Variants in CGN observed in about 807,000 individuals in gnomAD.
The protein encoded by CGN is cingulin.
In CGN, 121 loss-of-function variants were observed where a neutral mutation model predicts 157.1. The ratio of observed to expected loss-of-function variants is 0.77; its 90% CI spans 0.66 to 0.90. CGN has a LOEUF of 0.90. CGN is among the 40% of genes least tolerant of loss of function. The pLI, the probability that CGN is intolerant of heterozygous loss-of-function variation, is 0.00. For missense variants in CGN, 1,424 were observed against 1,520.9 expected, an observed-to-expected ratio of 0.94 and a Z score of 1.06; for synonymous variants, 535 against 607.5, an observed-to-expected ratio of 0.88 and a Z score of 1.76.
At position 151,524,325 on chromosome 1, in the gene CGN, G is replaced by A; in HGVS notation, c.1368G>A (p.Gln456=). ...TGCAGAACAAGCTGAAACATGTCCA[G>A]GGTCCTGAGCCTGCTAAGGAGGTGT... ...MELQNKLKHV[Q]GPEPAKEVLL... is the part of the protein sequence containing the mutation. Residue 456 remains glutamine, a synonymous_variant, in exon 7 of 21, where the codon CAG becomes CAA. Transcript: ENST00000271636. This position sits in a 1 kb window ranked among gnomAD's most constrained non-coding sequence, Gnocchi z 4.4. 1 of 1,614,118 alleles carries A rather than the reference G, an allele frequency of 6.2e-7. No individual in the cohort carries two copies.
intron 15 of CGN, chr1:151,534,839 C>T (rs1352734851): frequency 1.3e-5 from 7 of 554,594 alleles, no homozygotes; most frequent in African/African-American, 3.8e-5. Flanking sequence ...CAGAGCATGG[C>T]CCCGACCTGC....
At chr1:151,522,524 C>T (rs1664564829) in intron 5 of CGN, among the ~76,000 whole-genome samples, 5 of 151,834 alleles carry the variant, frequency 3.3e-5, no homozygotes, top group Admixed American at 1.3e-4. Flanking sequence ...GCTTGGGAGG[C>T]TGAGGCAGGG....
At chr1:151,532,714 G>A (rs1341348913) in intron 14 of CGN, 142 bp downstream of exon 14, 1 of 579,854 alleles carries the variant, frequency 1.7e-6, no homozygotes, top group Non-Finnish European at 2.6e-6. Flanking sequence ...CTGCCTCCGG[G>A]GTTCACACCA....
At position 151,524,878 on chromosome 1, in the gene CGN, G is replaced by A; in HGVS notation, c.1606G>A (p.Ala536Thr). 1 of 1,610,832 alleles carries A rather than the reference G, an allele frequency of 6.2e-7. No individual in the cohort carries two copies. The highest frequency in any genetic ancestry group is 8.5e-7 in the Non-Finnish European group (1 of 1,179,354). ...GCAGCTCCGCAGGAGCATGCAAGAT[G>A]CAACCCAGGCATGTGACAAGAGCAG... is the stretch of plus-strand genomic sequence containing the variant. Reference protein sequence around the residue: ...TEQLRRSMQDATQDHAVLEAE... With the variant: ...TEQLRRSMQDTTQDHAVLEAE... The change falls in exon 8 of 21, where the codon GCA becomes ACA. Residue 536 changes from alanine (A) to threonine (T), a missense_variant. Around this residue, in one of 3 missense-constraint regions of CGN, gnomAD observed 1,187 missense variants for 1,217.6 expected, o/e 0.97. Transcript: ENST00000271636. The surrounding 1 kb of genome is among the most constrained non-coding windows in gnomAD (Gnocchi z 4.4).
rs1173696191 is a variant in CGN, at chr1:151,538,257, A to C, written c.*911A>C. On this transcript the variant is annotated 3_prime_UTR_variant, in exon 21 of 21. Coordinates refer to ENST00000271636, the MANE Select transcript of CGN (RefSeq NM_020770.3). Reference sequence around the variant, plus strand: ...TGGGAGCCCTGACAACTGGCTGCACAAATTCCAAAAGTAAAGGTGTCAGTC... The same window carrying C: ...TGGGAGCCCTGACAACTGGCTGCACCAATTCCAAAAGTAAAGGTGTCAGTC... 6.6e-6 allele frequency: 1 copy of C among 152,236 alleles called. No individual in the cohort carries two copies. Among genetic ancestry groups the C allele is most frequent in the Non-Finnish European group, 1.5e-5 (1 of 68,070 alleles). The allele number at this position is 152,236 out of a possible 1,614,324, so 9.4% of individuals were successfully genotyped here.
rs1307601565 is a variant in CGN at position 151,527,072 on chromosome 1, G to A, written c.1861G>A (p.Ala621Thr). ...GGAATTAGAGCAGGCCCGAGCTAGT[G>A]CTGGAGATACTCGCCAGGTTGAGGT... ...QRELEQARAS[A>T]GDTRQVEVLK... The change falls in exon 10 of 21, where the codon GCT (alanine) becomes ACT (threonine). Residue 621 changes from alanine (A) to threonine (T), a missense_variant. Physicochemically the swap from Ala to Thr is moderately conservative, Grantham distance 58 (BLOSUM62 0). This residue lies in a region of CGN where 1,187 missense variants were observed against 1,217.6 expected (regional missense o/e 0.97). Transcript: ENST00000271636. 6.2e-7 allele frequency: 1 copy of A among 1,614,194 alleles called. No individual in the cohort carries two copies. Among genetic ancestry groups the A allele is most frequent in the Admixed American group, 1.7e-5 (1 of 60,020 alleles).
chr1:151,521,762 C>T (rs761402690), intron 5 of CGN, among the ~76,000 whole-genome samples: 3 of 152,104 alleles, frequency 2.0e-5, no homozygotes, highest in African/African-American at 4.8e-5. Flanking sequence ...TACTTGCACC[C>T]GGGAGGTGGA....
rs1664470786 is a variant in CGN at position 151,518,816 on chromosome 1, A to G, written c.297A>G (p.Glu99=). 1 of 1,613,708 alleles carries G rather than the reference A, an allele frequency of 6.2e-7. No individual in the cohort carries two copies. Among genetic ancestry groups the G allele is most frequent in the African/African-American group, 1.3e-5 (1 of 74,824 alleles). Residue 99 remains glutamate, a synonymous_variant, in exon 2 of 21, where the codon GAA becomes GAG. Transcript: ENST00000271636. ...CAGGAGCTCTGAGCTCAGATTTGGA[A>G]CTCCCTGAGAACCCCTACTCTCAGG... The part of the protein sequence containing the change: ...GASGALSSDL[E]LPENPYSQVK...
chr1:151,514,789 G>A (rs1248650658), intron 1 of CGN, among the ~76,000 whole-genome samples: 1 of 152,158 alleles, frequency 6.6e-6, no homozygotes. Flanking sequence ...TGTGAGAACT[G>A]ACCTTGTTTG....
chr1:151,514,221 T>TG (rs35906779), intron 1 of CGN, among the ~76,000 whole-genome samples: 1 of 152,028 alleles, frequency 6.6e-6, no homozygotes, highest in African/African-American at 2.4e-5. Context: ...ACCTGGGACC[T>TG]GGGGGAGTGT....
Position 151,532,494 on chromosome 1 carries a change from A to G in CGN, c.2664A>G (p.Ala888=). The part of the protein sequence containing the change: ...DYKEKARREV[A]DAQRQAKDWA... ...AGGAAAAGGCCCGGCGGGAGGTGGC[A>G]GATGCCCAGCGCCAGGCCAAGGATT... The change falls in exon 14 of 21, where the codon GCA becomes GCG. Residue 888 remains alanine (A), a synonymous_variant. Transcript: ENST00000271636. 1.2e-6 allele frequency: 2 copies of G among 1,610,492 alleles called. 1 individual carries two copies. The highest frequency in any genetic ancestry group is 2.2e-5 in the South Asian group (2 of 90,556).
chr1:151,520,222 T>A lies in CGN; in HGVS notation c.930T>A (p.Ser310Arg). 1.2e-6 allele frequency: 2 copies of A among 1,614,010 alleles called. No individual in the cohort carries two copies. The highest frequency in any genetic ancestry group is 1.7e-6 in the Non-Finnish European group (2 of 1,179,992). The change falls in exon 3 of 21, where the codon AGT becomes AGA. Residue 310 changes from serine to arginine, a missense_variant. Coordinates refer to ENST00000271636, the MANE Select transcript of CGN (RefSeq NM_020770.3). Reference sequence around the variant, plus strand: ...AGCAGGAGGCAGCCCCACCAGGCAGTGTGGACCATATGAAGGCCACCATCT... The same window carrying A: ...AGCAGGAGGCAGCCCCACCAGGCAGAGTGGACCATATGAAGGCCACCATCT... Reference protein sequence around the residue: ...RDQQEAAPPGSVDHMKATIYG... With the variant: ...RDQQEAAPPGRVDHMKATIYG...
chr1:151,527,042 C>A lies in CGN; in HGVS notation c.1831C>A (p.Gln611Lys). The A allele has an allele frequency of 6.2e-7, 1 of 1,614,112 alleles. No individual in the cohort carries two copies. The highest frequency in any genetic ancestry group is 1.7e-5 in the Admixed American group (1 of 60,014). The change falls in exon 10 of 21, where the codon CAG becomes AAG. Residue 611 changes from glutamine (Q) to lysine (K), a missense_variant. Physicochemically the swap from Gln to Lys is moderately conservative, Grantham distance 53 (BLOSUM62 1). Transcript: ENST00000271636. ...EELGEKIEVL[Q>K]RELEQARASA... ...GCTTGGAGAGAAGATAGAGGTCTTGCAGAGGGAATTAGAGCAGGCCCGAGC... is the reference window on the plus strand; with the variant it reads ...GCTTGGAGAGAAGATAGAGGTCTTGAAGAGGGAATTAGAGCAGGCCCGAGC...
rs1664612493 is a variant in CGN, at chr1:151,524,122, T to TA, written c.1269-104_1269-103insA. 1.7e-6 allele frequency: 2 copies of TA among 1,147,880 alleles called. No homozygotes were observed. 71.1% of individuals were successfully genotyped at this position (1,147,880 alleles called of 1,614,324 possible). On this transcript the variant is annotated intron_variant, in intron 6 of 20. Transcript: ENST00000271636. This position sits in a 1 kb window ranked among gnomAD's most constrained non-coding sequence, Gnocchi z 4.4. ...AATCAGGGGAGGCCTCATCAAGATT[T>TA]GAAGGAAGGAAGTTTAAATGCATTA...
chr1:151,518,537 C>A lies in CGN; in HGVS notation c.18C>A (p.Asn6Lys). 1.2e-6 allele frequency: 2 copies of A among 1,608,432 alleles called. No individual in the cohort carries two copies. The highest frequency in any genetic ancestry group is 1.7e-6 in the Non-Finnish European group (2 of 1,175,462). Reference sequence around the variant, plus strand: ...TCCTATTTATGGAGCAGGCACCCAACATGGCTGAGCCCCGGGGCCCCGTAG... The same window carrying A: ...TCCTATTTATGGAGCAGGCACCCAAAATGGCTGAGCCCCGGGGCCCCGTAG... MEQAP[N>K]MAEPRGPVDH... Residue 6 changes from asparagine (N) to lysine (K), a missense_variant, in exon 2 of 21, where the codon AAC (asparagine) becomes AAA (lysine). Asn to Lys is a moderately conservative substitution (Grantham distance 94, BLOSUM62 0). Around this residue, in one of 3 missense-constraint regions of CGN, gnomAD observed 1,187 missense variants for 1,217.6 expected, o/e 0.97. Coordinates refer to ENST00000271636, the MANE Select transcript of CGN (RefSeq NM_020770.3).
chr1:151,511,487 CAAG>C lies in CGN; in HGVS notation c.-42_-40del. On this transcript the variant is annotated 5_prime_UTR_variant, in exon 1 of 21. Coordinates refer to ENST00000271636, the MANE Select transcript of CGN (RefSeq NM_020770.3). The surrounding 1 kb of genome is among the most constrained non-coding windows in gnomAD (Gnocchi z 4.8). ...CCGAGCCCGAGCCCGAGCCCGAACG[CAAG>C]CCTGGGAGCGCGGAGCCCGGCTAGG... 5.4e-6 allele frequency: 1 copy of C among 184,570 alleles called. No homozygotes were observed. The highest frequency in any genetic ancestry group is 1.1e-5 in the Non-Finnish European group (1 of 88,388). The allele number at this position is 184,570 out of a possible 1,614,324, so 11.4% of individuals were successfully genotyped here. A position where few individuals can be genotyped will look rare whatever the true frequency, so the allele number is the denominator to read the frequency against.
intron 19 of CGN, 27 bp downstream of exon 19, chr1:151,536,372 G>GTC: frequency 8.1e-7 from 1 of 1,241,038 alleles, no homozygotes; most frequent in Non-Finnish European, 1.2e-6. Context: ...CTGGAGCCAA[G>GTC]CAACCTGGGG....
In CGN at chr1:151,518,915, A is replaced by G; in HGVS notation, c.396A>G (p.Leu132=). 1.2e-6 allele frequency: 2 copies of G among 1,613,832 alleles called. No homozygotes were observed. The change falls in exon 2 of 21, where the codon CTA becomes CTG. Residue 132 remains leucine (L), a synonymous_variant. Coordinates refer to ENST00000271636, the MANE Select transcript of CGN (RefSeq NM_020770.3). ...EEPGAYWNGK[L]LRSHSQASLA... ...CTGGGGCCTACTGGAATGGAAAGCT[A>G]CTCCGTTCCCACTCCCAGGCCTCAC...
chr1:151,526,976 C>A lies in CGN; in HGVS notation c.1765C>A (p.Leu589Ile). 1 of 1,614,094 alleles carries A rather than the reference C, an allele frequency of 6.2e-7. No homozygotes were observed. Among genetic ancestry groups the A allele is most frequent in the Non-Finnish European group, 8.5e-7 (1 of 1,180,004 alleles). The change falls in exon 10 of 21, where the codon CTC becomes ATC. Residue 589 changes from leucine to isoleucine, a missense_variant and splice_region_variant. By Grantham distance (5) the Leu-to-Ile change is conservative (BLOSUM62 2). Around this residue, in one of 3 missense-constraint regions of CGN, gnomAD observed 1,187 missense variants for 1,217.6 expected, o/e 0.97. Transcript: ENST00000271636. Reference sequence around the variant, plus strand: ...TTTATTTCACCTTGCCTGGCTCAGACTCCTGCAGCTGCGAATGGAGAAGGA... The same window carrying A: ...TTTATTTCACCTTGCCTGGCTCAGAATCCTGCAGCTGCGAATGGAGAAGGA... ...KEDLRATKQE[L>I]LQLRMEKEEM...
Sources: allele counts gnomAD v4.1 joint callset (sites outside exome capture counted in the v4.1 genomes callset), GRCh38; gene constraint gnomAD v4.1.1; regional missense constraint gnomAD v4.1.1; non-coding constraint Gnocchi (gnomAD v3.1); transcripts MANE v1.5; gene names NCBI Gene and HGNC (gene_info 2026-07-23, HGNC 2026-07-21).